The following CMSS1 variants were observed in gnomAD, a reference collection of about 807,000 sequenced individuals.
CMSS1 encodes protein CMSS1.
Under a neutral mutation model 43.5 loss-of-function variants are expected in CMSS1, and 33 were observed. The ratio of observed to expected loss-of-function variants is 0.76; its 90% confidence interval spans 0.57 to 1.01. The LOEUF (loss-of-function observed/expected upper bound fraction) is 1.01, where lower values mean the gene tolerates loss of function less well. Ranked by LOEUF, CMSS1 falls within the 50% of genes least tolerant of loss-of-function variation. The pLI is 0.00. For missense variants in CMSS1, 313 were observed against 326.4 expected (o/e 0.96, Z 0.32); for synonymous variants, 115 against 117.2 (o/e 0.98, Z 0.12).
intron 1 of CMSS1, among the ~76,000 whole-genome samples, chr3:99,867,389 G>A (rs1350547785): frequency 6.6e-6 from 1 of 152,082 alleles, no homozygotes; most frequent in Non-Finnish European, 1.5e-5. Context: ...TTAAGAGAAG[G>A]CAAACTATCT....
At chr3:99,884,752 C>A (rs1705838643) in intron 1 of CMSS1, among the ~76,000 whole-genome samples, 1 of 152,168 alleles carries the variant, frequency 6.6e-6, no homozygotes, top group Non-Finnish European at 1.5e-5. Context: ...TGTTAGCTTT[C>A]AGTTCATTTT....
chr3:100,020,213 CTCTT>C (rs1269346621), intron 1 of CMSS1, among the ~76,000 whole-genome samples: 2 of 152,146 alleles, frequency 1.3e-5, no homozygotes, highest in East Asian at 3.8e-4. Flanking sequence ...CTCCCACACC[CTCTT>C]TCTGTTTCAC....
intron 1 of CMSS1, among the ~76,000 whole-genome samples, chr3:100,000,184 T>A (rs1709802700): frequency 1.3e-5 from 2 of 152,218 alleles, no homozygotes; most frequent in South Asian, 4.1e-4. Context: ...TCTTCCTGCC[T>A]TCTTCTGATC....
At chr3:99,938,050 A>AGTGTGTGTGTGTGTGTGTGTGTGT (rs71625545) in intron 1 of CMSS1, among the ~76,000 whole-genome samples, 7 of 149,002 alleles carry the variant, frequency 4.7e-5, no homozygotes, top group African/African-American at 1.7e-4. Flanking sequence ...AGGCTCAGGA[A>AGTGTGTGTGTGTGTGTGTGTGTGT]GTGTGTGTGT....
intron 2 of CMSS1, among the ~76,000 whole-genome samples, chr3:100,159,141 C>T (rs2067001629): frequency 6.6e-6 from 1 of 152,238 alleles, no homozygotes; most frequent in Non-Finnish European, 1.5e-5. Context: ...CATGTATCTA[C>T]ATCCACAAGA....
chr3:100,141,987 A>G (rs2066809341), intron 1 of CMSS1, among the ~76,000 whole-genome samples: 1 of 152,198 alleles, frequency 6.6e-6, no homozygotes, highest in Non-Finnish European at 1.5e-5. Context: ...AAATCACAGA[A>G]CTAGCATCCT....
intron 1 of CMSS1, among the ~76,000 whole-genome samples, chr3:99,915,371 A>G (rs892028844): frequency 5.9e-5 from 9 of 152,192 alleles, no homozygotes; most frequent in Non-Finnish European, 8.8e-5. Flanking sequence ...ATCAAAAGTA[A>G]GCCCGCTTAC....
At chr3:99,984,957 T>C (rs1043146447) in intron 1 of CMSS1, among the ~76,000 whole-genome samples, 3 of 152,174 alleles carry the variant, frequency 2.0e-5, no homozygotes, top group African/African-American at 7.2e-5. Flanking sequence ...ATATTGCTCT[T>C]AGAAGAAAAG....
intron 1 of CMSS1, among the ~76,000 whole-genome samples, chr3:99,981,109 T>G (rs1333039262): frequency 6.6e-6 from 1 of 152,212 alleles, no homozygotes; most frequent in Non-Finnish European, 1.5e-5. Context: ...GATTACATAC[T>G]CACACTCTGT....
At chr3:99,885,275 A>G (rs1559675788) in intron 1 of CMSS1, among the ~76,000 whole-genome samples, 1 of 152,222 alleles carries the variant, frequency 6.6e-6, no homozygotes, top group Non-Finnish European at 1.5e-5. Context: ...GGATGCTTGT[A>G]GGGCTATTTC....
At chr3:100,006,546 T>C (rs1207344382) in intron 1 of CMSS1, among the ~76,000 whole-genome samples, 2 of 152,152 alleles carry the variant, frequency 1.3e-5, no homozygotes, top group African/African-American at 2.4e-5. Flanking sequence ...TCATGAAGGC[T>C]ATCATTCAAA....
chr3:99,990,437 G>A (rs1301294516), intron 1 of CMSS1, among the ~76,000 whole-genome samples: 1 of 152,114 alleles, frequency 6.6e-6, no homozygotes, highest in African/African-American at 2.4e-5. Flanking sequence ...ACATAACAAA[G>A]TGAACACTAA....
intron 1 of CMSS1, among the ~76,000 whole-genome samples, chr3:100,132,204 C>T (rs367728823): frequency 6.7e-6 from 1 of 148,896 alleles, no homozygotes; most frequent in South Asian, 2.2e-4. Context: ...GAGCTCAAGA[C>T]CAGCCTGAGC....
chr3:100,037,468 GCA>G (rs1553707896), intron 1 of CMSS1, among the ~76,000 whole-genome samples: 6 of 151,528 alleles, frequency 4.0e-5, no homozygotes, highest in Admixed American at 6.6e-5. Context: ...ACACACACAC[GCA>G]CATTGTTATC....
chr3:100,125,511 G>T (rs149888998), intron 1 of CMSS1, among the ~76,000 whole-genome samples: 1 of 152,284 alleles, frequency 6.6e-6, no homozygotes, highest in East Asian at 1.9e-4. Context: ...TGTTGTAACG[G>T]GTCAAGTAAT....
At chr3:99,944,515 T>C (rs954993384) in intron 1 of CMSS1, among the ~76,000 whole-genome samples, 10 of 152,226 alleles carry the variant, frequency 6.6e-5, no homozygotes, top group Admixed American at 4.6e-4. Flanking sequence ...TAAGGCACTT[T>C]GTGCACACTA....
intron 1 of CMSS1, among the ~76,000 whole-genome samples, chr3:99,904,551 A>G (rs750130305): frequency 1.3e-5 from 2 of 152,144 alleles, no homozygotes; most frequent in Non-Finnish European, 2.9e-5. Context: ...TGTTATTTTG[A>G]CATCTTTTTA....
At chr3:100,076,557 C>A (rs953330985) in intron 1 of CMSS1, among the ~76,000 whole-genome samples, 1 of 152,266 alleles carries the variant, frequency 6.6e-6, no homozygotes, top group Admixed American at 6.5e-5. Flanking sequence ...GACATGCTTT[C>A]GAGGTTTCAT....
chr3:99,883,339 G>T (rs1705790729), intron 1 of CMSS1, among the ~76,000 whole-genome samples: 1 of 152,112 alleles, frequency 6.6e-6, no homozygotes, highest in South Asian at 2.1e-4. Flanking sequence ...TGACATAAAA[G>T]TCTTTTAAAT....
Sources: allele counts gnomAD v4.1 joint callset (sites outside exome capture counted in the v4.1 genomes callset), GRCh38; gene constraint gnomAD v4.1.1; transcripts MANE v1.5; gene names NCBI Gene and HGNC (gene_info 2026-07-23, HGNC 2026-07-21).